Variants in MEAK7 observed in about 807,000 individuals in gnomAD.
MEAK7 encodes the protein MTOR-associated protein MEAK7.
A neutral mutation model predicts 40.5 loss-of-function variants in MEAK7; 68 were observed. That is an observed-to-expected ratio of 1.68 (90% CI 1.38 to 2.06). The LOEUF (loss-of-function observed/expected upper bound fraction) is 2.06, where lower values mean the gene tolerates loss of function less well. MEAK7 is among the 30% of genes most tolerant of loss of function. MEAK7 has a pLI of 0.00. For missense variants in MEAK7, 918 were observed against 580.5 expected, an observed-to-expected ratio of 1.58 and a Z score of -5.98; for synonymous variants, 338 against 231.9, an observed-to-expected ratio of 1.46 and a Z score of -4.16.
rs956881324 is a variant in MEAK7, at chr16:84,477,077, T to G, written c.*2836A>C. The G allele has an allele frequency of 6.6e-6, 1 of 152,128 alleles. No individual in the cohort carries two copies. The highest frequency in any genetic ancestry group is 6.6e-5 in the Admixed American group (1 of 15,264). 9.4% of individuals were successfully genotyped at this position (152,128 alleles called of 1,614,324 possible). On this transcript the variant is annotated 3_prime_UTR_variant, in exon 8 of 8. Coordinates refer to ENST00000343629, the MANE Select transcript of MEAK7 (RefSeq NM_020947.4). ...TGGTTAATTTTCGTATTTTTTTTTG[T>G]AGAGATGGGTTTTCGCCATGTTGCC...
rs1912309370 is a variant in MEAK7 at position 84,479,457 on chromosome 16, GCGGAA to G, written c.*451_*455del. The G allele has an allele frequency of 2.3e-5, 3 of 129,258 alleles. No homozygotes were observed. Among genetic ancestry groups the G allele is most frequent in the Non-Finnish European group, 3.3e-5 (2 of 61,300 alleles). The allele number at this position is 129,258 out of a possible 1,614,324, so 8.0% of individuals were successfully genotyped here. On this transcript the variant is annotated 3_prime_UTR_variant, in exon 8 of 8. Coordinates refer to ENST00000343629, the MANE Select transcript of MEAK7 (RefSeq NM_020947.4). ...ATGCCAGCGGAATTCCCTAATGCCA[GCGGAA>G]TTCCCTAATGCCAGCGGAATTCCCT...
chr16:84,504,395 C>A (rs369150203), intron 1 of MEAK7, among the ~76,000 whole-genome samples: 14 of 152,062 alleles, frequency 9.2e-5, no homozygotes, highest in African/African-American at 3.1e-4. Context: ...AGGAGACCCT[C>A]CCTCCATCCC....
rs1239126555 is a variant in MEAK7, at chr16:84,477,228, G to A, written c.*2685C>T. On this transcript the variant is annotated 3_prime_UTR_variant, in exon 8 of 8. Coordinates refer to ENST00000343629, the MANE Select transcript of MEAK7 (RefSeq NM_020947.4). ...TTTCTTGAAACGGAGTTTCACTCTT[G>A]TTGCCCAGGCTAGAGTGCAATGGCA... 6.7e-6 allele frequency: 1 copy of A among 149,708 alleles called. No individual in the cohort carries two copies. The highest frequency in any genetic ancestry group is 2.5e-5 in the African/African-American group (1 of 40,130). 9.3% of individuals were successfully genotyped at this position (149,708 alleles called of 1,614,324 possible). A position where few individuals can be genotyped will look rare whatever the true frequency, so the allele number is the denominator to read the frequency against.
rs1914186353 is a variant in MEAK7, at chr16:84,497,914, C to T, written c.153+20G>A. ...ACCCCTGCTCCCAACTAAACATGAA[C>T]CACGGGTTGTTACTCTTGCCTGTAG... On this transcript the variant is annotated intron_variant, in intron 2 of 7. Transcript: ENST00000343629. 5 of 1,614,046 alleles carry T rather than the reference C, an allele frequency of 3.1e-6. No individual in the cohort carries two copies. Among genetic ancestry groups the T allele is most frequent in the Non-Finnish European group, 2.5e-6 (3 of 1,180,014 alleles).
At chr16:84,487,500 G>GATA in intron 4 of MEAK7, 2 of 161,204 alleles carry the variant, frequency 1.2e-5, no homozygotes, top group Non-Finnish European at 2.7e-5. Context: ...CCCTGGCAAT[G>GATA]GGGCTGGAAT....
At position 84,480,526 on chromosome 16, in the gene MEAK7, C is replaced by A; in HGVS notation, c.1257+3G>T. 1 of 1,604,742 alleles carries A rather than the reference C, an allele frequency of 6.2e-7. No individual in the cohort carries two copies. Among genetic ancestry groups the A allele is most frequent in the Non-Finnish European group, 8.5e-7 (1 of 1,175,896 alleles). ...CTGGGATGCAGAGGACAGCTCCACT[C>A]ACCAACTGCTCCTCTGAGGGGTCTC... On this transcript the variant is annotated splice_donor_region_variant and intron_variant, in intron 7 of 7. Coordinates refer to ENST00000343629, the MANE Select transcript of MEAK7 (RefSeq NM_020947.4).
intron 3 of MEAK7, among the ~76,000 whole-genome samples, chr16:84,492,615 T>C (rs1913719587): frequency 7.9e-6 from 1 of 126,698 alleles, no homozygotes; most frequent in Admixed American, 8.4e-5. Context: ...GAAGTCTGAC[T>C]CTGTCACCCA....
At chr16:84,504,271 G>A (rs941957504) in intron 1 of MEAK7, 1 of 545,206 alleles carries the variant, frequency 1.8e-6, no homozygotes. Context: ...CGTCTACACA[G>A]GCTCTGAATC....
intron 3 of MEAK7, among the ~76,000 whole-genome samples, chr16:84,491,343 G>A (rs888827508): frequency 6.6e-6 from 1 of 152,032 alleles, no homozygotes; most frequent in Non-Finnish European, 1.5e-5. Flanking sequence ...GTCGCGACCA[G>A]CCTGGCCAAC....
rs147352588 is a variant in MEAK7, at chr16:84,502,968, T to A, written c.-26+1633A>T. On this transcript the variant is annotated intron_variant, in intron 1 of 7. Transcript: ENST00000343629. ...AGGCTCCTGGGCCCATCTGTGTACCTCTTTGTAAAATCTGGTTTTAGCAAA... is the reference window on the plus strand; with the variant it reads ...AGGCTCCTGGGCCCATCTGTGTACCACTTTGTAAAATCTGGTTTTAGCAAA... The A allele has an allele frequency of 9.8e-5, 15 of 152,340 alleles. No homozygotes were observed. In the East Asian group the frequency reaches 2.7e-3, roughly 27 times the overall value. 9.4% of individuals were successfully genotyped at this position (152,340 alleles called of 1,614,324 possible). A position where few individuals can be genotyped will look rare whatever the true frequency, so the allele number is the denominator to read the frequency against.
chr16:84,498,234 C>T, intron 1 of MEAK7, 123 bp from the exon 2 acceptor site: 1 of 1,162,566 alleles, frequency 8.6e-7, no homozygotes, highest in Non-Finnish European at 1.2e-6. Flanking sequence ...AGCTAAAACA[C>T]ATCAGAGCTA....
intron 1 of MEAK7, among the ~76,000 whole-genome samples, chr16:84,500,728 C>T (rs911508330): frequency 1.3e-5 from 2 of 152,094 alleles, no homozygotes; most frequent in South Asian, 2.1e-4. Flanking sequence ...CAATGTCCAG[C>T]GGCAGGCGGC....
intron 2 of MEAK7, 162 bp downstream of exon 2, chr16:84,497,772 C>G: frequency 2.3e-6 from 3 of 1,315,452 alleles, no homozygotes; most frequent in Non-Finnish European, 3.2e-6. Flanking sequence ...GCATAGCTCA[C>G]AAAGCCAAAA....
rs886704138 is a variant in MEAK7 at position 84,487,068 on chromosome 16, A to AG, written c.530-10dup. 1.9e-6 allele frequency: 3 copies of AG among 1,605,624 alleles called. No individual in the cohort carries two copies. Among genetic ancestry groups the AG allele is most frequent in the Middle Eastern group, 1.7e-4 (1 of 6,014 alleles). On this transcript the variant is annotated splice_polypyrimidine_tract_variant and intron_variant, in intron 4 of 7. Coordinates refer to ENST00000343629, the MANE Select transcript of MEAK7 (RefSeq NM_020947.4). ...CAGAAGTCTCTTGCCATCTAGGGGA[A>AG]GGGGATGGTCAGCATTAGTGGGGCT...
intron 3 of MEAK7, 47 bp downstream of exon 3, chr16:84,495,636 C>T: frequency 1.9e-6 from 3 of 1,591,840 alleles, no homozygotes; most frequent in Non-Finnish European, 2.6e-6. Context: ...CACCGATGGT[C>T]ACCAAGACTG....
In MEAK7 at chr16:84,486,677, G is replaced by T. The variant is rs145452661; in HGVS notation, c.912C>A (p.Phe304Leu). ...AVLEDHDKHV[F>L]GGFASCSWEV... ...CCCAAGAGCAAGAGGCAAACCCACC[G>T]AACACATGCTTGTCATGGTCCTCGA... The change falls in exon 5 of 8, where the codon TTC becomes TTA. Residue 304 changes from phenylalanine (F) to leucine (L), a missense_variant. Physicochemically the swap from Phe to Leu is conservative, Grantham distance 22. Coordinates refer to ENST00000343629, the MANE Select transcript of MEAK7 (RefSeq NM_020947.4). 2 of 1,613,862 alleles carry T rather than the reference G, an allele frequency of 1.2e-6. No individual in the cohort carries two copies. Among genetic ancestry groups the T allele is most frequent in the Non-Finnish European group, 8.5e-7 (1 of 1,179,924 alleles).
Position 84,500,323 on chromosome 16 carries a change from G to A in MEAK7, c.-25-2212C>T, listed in dbSNP as rs556419175. Reference sequence around the variant, plus strand: ...TCCAATTTCCAGTGTCGACACCTAGGAGTGGACTTGCTGGGTCACATGGTA... The same window carrying A: ...TCCAATTTCCAGTGTCGACACCTAGAAGTGGACTTGCTGGGTCACATGGTA... On this transcript the variant is annotated intron_variant, in intron 1 of 7. Transcript: ENST00000343629. 1.8e-4 allele frequency among the ~76,000 whole-genome samples: 27 copies of A among 152,244 alleles called. No homozygotes were observed. In the East Asian group the frequency reaches 2.3e-3, roughly 13 times the overall value.
In MEAK7 at chr16:84,486,899, C is replaced by G; in HGVS notation, c.690G>C (p.Leu230=). The change falls in exon 5 of 8, where the codon CTG becomes CTC. Residue 230 remains leucine, a synonymous_variant. Coordinates refer to ENST00000343629, the MANE Select transcript of MEAK7 (RefSeq NM_020947.4). ...CCTGGTCCACTTGACGCTCAGGGAC[C>G]AGGGTAGTCAGATCAAGAGACGAGC... is the stretch of plus-strand genomic sequence containing the variant. ...ILCSSLDLTT[L]VPERQVDQGR... 1 of 1,614,178 alleles carries G rather than the reference C, an allele frequency of 6.2e-7. No homozygotes were observed. The highest frequency in any genetic ancestry group is 8.5e-7 in the Non-Finnish European group (1 of 1,180,026).
rs553873133 is a variant in MEAK7 at position 84,483,699 on chromosome 16, C to T, written c.959-989G>A. Among the ~76,000 whole-genome samples, 7 of 152,174 alleles carry T rather than the reference C, an allele frequency of 4.6e-5. 1 individual carries two copies. The South Asian group carries it at 1.5e-3, about 32-fold the overall frequency. On this transcript the variant is annotated intron_variant, in intron 5 of 7. Transcript: ENST00000343629. ...GCCCAAGGCTCCAATCTAGAAAGAT[C>T]GCTGGGGGGCCTCTGCCATCAGGGT... is the stretch of plus-strand genomic sequence containing the variant.
Sources: allele counts gnomAD v4.1 joint callset (sites outside exome capture counted in the v4.1 genomes callset), GRCh38; gene constraint gnomAD v4.1.1; transcripts MANE v1.5; gene names NCBI Gene and HGNC (gene_info 2026-07-23, HGNC 2026-07-21).